Variants in TENM2 observed in about 807,000 individuals in gnomAD.
The protein encoded by TENM2 is teneurin transmembrane protein 2.
Under a neutral mutation model 245.2 loss-of-function variants are expected in TENM2, and 52 were observed. The observed-to-expected ratio is 0.21, with a 90% confidence interval of 0.17 to 0.27. TENM2 has a LOEUF of 0.27. TENM2 is among the 10% of genes least tolerant of loss of function. The pLI is 1.00. For synonymous variants in TENM2, 1,363 were observed against 1,438.9 expected (o/e 0.95, Z 1.19); for missense variants, 3,046 against 3,666.8 (o/e 0.83, Z 4.37).
chr5:167,217,783 G>A, the TENM2 span, among the ~76,000 whole-genome samples: 6 of 150,326 alleles, frequency 4.0e-5, no homozygotes, highest in Non-Finnish European at 8.9e-5. Flanking sequence ...AAGAAAGAGA[G>A]GTGAGTGGAG....
chr5:167,880,546 G>T (rs2151408144), intron 3 of TENM2, among the ~76,000 whole-genome samples: 1 of 152,154 alleles, frequency 6.6e-6, no homozygotes, highest in Middle Eastern at 3.4e-3. Context: ...TGAGATAAAA[G>T]CAAATCAGTC....
At chr5:167,455,705 C>A (rs1765875933) in intron 2 of TENM2, among the ~76,000 whole-genome samples, 1 of 152,090 alleles carries the variant, frequency 6.6e-6, no homozygotes, top group Non-Finnish European at 1.5e-5. Context: ...CTGTGCCTCC[C>A]CAATTCTCCT....
chr5:167,125,672 T>G, the TENM2 span, among the ~76,000 whole-genome samples: 111 of 152,326 alleles, frequency 7.3e-4, 1 homozygote, highest in South Asian at 0.022. Context: ...CACACGCATA[T>G]ACAGAAGTAT....
At chr5:167,803,730 A>G (rs1248579681) in intron 2 of TENM2, among the ~76,000 whole-genome samples, 1 of 151,660 alleles carries the variant, frequency 6.6e-6, no homozygotes, top group African/African-American at 2.4e-5. Flanking sequence ...TAACTTTTTT[A>G]TATATATAGT....
chr5:167,639,270 A>G (rs576043525), intron 2 of TENM2, among the ~76,000 whole-genome samples: 4 of 152,336 alleles, frequency 2.6e-5, no homozygotes, highest in African/African-American at 9.6e-5. Context: ...TGCTAAATAA[A>G]CCAGGAGAAA....
At chr5:167,480,592 A>G (rs970833515) in intron 2 of TENM2, among the ~76,000 whole-genome samples, 4 of 152,208 alleles carry the variant, frequency 2.6e-5, no homozygotes, top group African/African-American at 9.6e-5. Context: ...GCATTTTGAC[A>G]CAAAATCTAG....
rs71591177 is a variant in TENM2 at position 167,351,853 on chromosome 5, CAAAAA to C, written c.227-23338_227-23334del. On this transcript the variant is annotated intron_variant, in intron 1 of 28. Transcript: ENST00000518659. Reference sequence around the variant, plus strand: ...GGATCTGGGAACAAAAACAAAAAAACAAAAAAAAAAATAAAACCACAATTTCAAAC... The same window carrying C: ...GGATCTGGGAACAAAAACAAAAAAACAAAAAATAAAACCACAATTTCAAAC... Among the ~76,000 whole-genome samples, 16 of 148,874 alleles carry C rather than the reference CAAAAA, an allele frequency of 1.1e-4. No individual in the cohort carries two copies. In the South Asian group the frequency reaches 2.5e-3, roughly 24 times the overall value.
intron 12 of TENM2, among the ~76,000 whole-genome samples, chr5:168,144,935 GAC>G (rs1755909654): frequency 8.1e-5 from 12 of 148,994 alleles, no homozygotes; most frequent in African/African-American, 2.9e-4. Context: ...GGCCAGTGAT[GAC>G]GAGCATTTTT....
At chr5:166,993,949 C>T in the TENM2 span, among the ~76,000 whole-genome samples, 116 of 152,162 alleles carry the variant, frequency 7.6e-4, 1 homozygote, top group Middle Eastern at 6.8e-3. Flanking sequence ...CCTATATTTG[C>T]GTATGTTTGT....
chr5:167,861,596 T>G (rs1438725568), intron 2 of TENM2, among the ~76,000 whole-genome samples: 3 of 152,180 alleles, frequency 2.0e-5, no homozygotes, highest in African/African-American at 7.2e-5. Flanking sequence ...GGGCAGGCTC[T>G]GGGGGCATTG....
chr5:167,068,999 T>C, the TENM2 span, among the ~76,000 whole-genome samples: 36 of 152,302 alleles, frequency 2.4e-4, no homozygotes, highest in African/African-American at 8.7e-4. Context: ...TTCATTTTCT[T>C]CTGCTGTGTG....
At chr5:167,672,012 A>T (rs1205843789) in intron 2 of TENM2, among the ~76,000 whole-genome samples, 1 of 152,012 alleles carries the variant, frequency 6.6e-6, no homozygotes, top group South Asian at 2.1e-4. Flanking sequence ...CTGTGAAACT[A>T]GTGCTTGCAT....
chr5:167,932,684 AT>A (rs1043185163), intron 3 of TENM2, among the ~76,000 whole-genome samples: 6 of 151,752 alleles, frequency 4.0e-5, no homozygotes, highest in Admixed American at 1.3e-4. Context: ...AGAATCAGCA[AT>A]TTTTTTTTCC....
chr5:167,652,908 T>C (rs1290023579), intron 2 of TENM2, among the ~76,000 whole-genome samples: 1 of 152,198 alleles, frequency 6.6e-6, no homozygotes, highest in African/African-American at 2.4e-5. Flanking sequence ...ATGTCTGGGC[T>C]CCCAACATTA....
intron 1 of TENM2, among the ~76,000 whole-genome samples, chr5:167,359,144 A>G (rs1297802288): frequency 6.6e-6 from 1 of 152,180 alleles, no homozygotes; most frequent in African/African-American, 2.4e-5. Context: ...TAAAATGTAA[A>G]TTAGATGATG....
At chr5:168,047,046 A>C (rs1037018250) in intron 5 of TENM2, among the ~76,000 whole-genome samples, 1 of 152,210 alleles carries the variant, frequency 6.6e-6, no homozygotes, top group East Asian at 1.9e-4. Context: ...CTAGACTAAC[A>C]GTCTAAAAGC....
At chr5:167,046,420 A>G in the TENM2 span, among the ~76,000 whole-genome samples, 1 of 152,230 alleles carries the variant, frequency 6.6e-6, no homozygotes, top group Non-Finnish European at 1.5e-5. Flanking sequence ...ACTTAAAGGT[A>G]CAGTGCTTTT....
At chr5:167,971,933 G>T (rs1486204092) in intron 4 of TENM2, among the ~76,000 whole-genome samples, 3 of 152,150 alleles carry the variant, frequency 2.0e-5, no homozygotes, top group Admixed American at 6.5e-5. Context: ...TGCCGGAGTG[G>T]GGCTGGAAGG....
At chr5:167,254,160 C>T in the TENM2 span, among the ~76,000 whole-genome samples, 4 of 152,048 alleles carry the variant, frequency 2.6e-5, no homozygotes, top group African/African-American at 9.7e-5. Context: ...ATGGGGACCA[C>T]GGCCTTCCGA....
Sources: gnomAD v4.1 joint callset for allele counts (sites outside exome capture counted in the v4.1 genomes callset) on GRCh38, gnomAD v4.1.1 for gene constraint, MANE v1.5 for transcripts, NCBI Gene and HGNC (gene_info 2026-07-23, HGNC 2026-07-21) for gene names.